The following ERI1 variants were observed in gnomAD, a reference collection of about 807,000 sequenced individuals.
ERI1 encodes the protein exoribonuclease 1.
A neutral mutation model predicts 39.7 loss-of-function variants in ERI1; 39 were observed. The ratio of observed to expected loss-of-function variants is 0.98; its 90% CI spans 0.76 to 1.28. ERI1 has a LOEUF of 1.28. Among genes scored for constraint, ERI1 ranks in the 50% most tolerant of loss-of-function variants. ERI1 has a pLI of 0.00. For missense variants in ERI1, 581 were observed against 416.9 expected (o/e 1.39, Z -3.43); for synonymous variants, 204 against 149.6 (o/e 1.36, Z -2.65).
intron 3 of ERI1, among the ~76,000 whole-genome samples, chr8:9,077,849 C>A (rs570779553): frequency 9.2e-5 from 14 of 152,300 alleles, no homozygotes; most frequent in Admixed American, 9.1e-4. Context: ...TCCAAAGCAG[C>A]ATATTTGGGG....
chr8:9,094,774 G>A (rs1248065931), intron 3 of ERI1, among the ~76,000 whole-genome samples: 5 of 152,156 alleles, frequency 3.3e-5, no homozygotes, highest in Non-Finnish European at 7.3e-5. Flanking sequence ...ATGGCAGCCT[G>A]TCTGAAGACA....
chr8:9,059,666 A>C (rs546625003), intron 3 of ERI1, among the ~76,000 whole-genome samples: 3 of 152,320 alleles, frequency 2.0e-5, no homozygotes, highest in Non-Finnish European at 4.4e-5. Context: ...CTACCTAGAG[A>C]GTGCCTAAGG....
At chr8:9,013,730 C>T (rs1816926573) in intron 3 of ERI1, among the ~76,000 whole-genome samples, 1 of 152,182 alleles carries the variant, frequency 6.6e-6, no homozygotes, top group Non-Finnish European at 1.5e-5. Context: ...CTTTAGCCTC[C>T]TGTAGCCTGG....
chr8:9,041,061 T>G (rs1460805239), intron 3 of ERI1, among the ~76,000 whole-genome samples: 1 of 152,158 alleles, frequency 6.6e-6, no homozygotes, highest in Non-Finnish European at 1.5e-5. Flanking sequence ...CTCCGCTGAG[T>G]GTTTCAGCGA....
chr8:9,091,401 A>C (rs1799699492), intron 3 of ERI1: 1 of 152,158 alleles, frequency 6.6e-6, no homozygotes, highest in Admixed American at 6.6e-5. Flanking sequence ...TGCACCTGTA[A>C]TCTCAGTTAC....
At chr8:9,041,613 A>C (rs571306782) in intron 3 of ERI1, among the ~76,000 whole-genome samples, 1 of 152,368 alleles carries the variant, frequency 6.6e-6, no homozygotes, top group East Asian at 1.9e-4. Flanking sequence ...ATTAAGAATG[A>C]GATTTAAAAC....
intron 3 of ERI1, 65 bp from the exon 4 acceptor site, chr8:9,016,257 G>C (rs1028601674): frequency 5.4e-6 from 5 of 928,488 alleles, no homozygotes; most frequent in Admixed American, 4.7e-5. Flanking sequence ...TGAATTCGTC[G>C]TGTATCATGT....
At chr8:9,026,418 A>G (rs1797163602) in intron 6 of ERI1, among the ~76,000 whole-genome samples, 2 of 151,658 alleles carry the variant, frequency 1.3e-5, no homozygotes, top group South Asian at 4.1e-4. Context: ...CCTGGCAATC[A>G]TCATTCTTCT....
chr8:9,060,341 AAG>A (rs1212685199), intron 3 of ERI1, among the ~76,000 whole-genome samples: 2 of 152,124 alleles, frequency 1.3e-5, no homozygotes, highest in African/African-American at 4.8e-5. Flanking sequence ...TACCCAGACT[AAG>A]AGATATTTTA....
intron 3 of ERI1, among the ~76,000 whole-genome samples, chr8:9,041,047 C>T (rs978772951): frequency 1.3e-5 from 2 of 152,204 alleles, no homozygotes; most frequent in African/African-American, 4.8e-5. Context: ...CCCCCAGGCA[C>T]TTGCTCCGCT....
At chr8:9,097,614 A>G (rs187984724) in intron 3 of ERI1, among the ~76,000 whole-genome samples, 32 of 150,762 alleles carry the variant, frequency 2.1e-4, no homozygotes, top group African/African-American at 7.6e-4. Flanking sequence ...AGTTGTAGTG[A>G]GCCAAGATTG....
In ERI1 at chr8:9,018,212, C is replaced by A. The variant is rs1459334182; in HGVS notation, c.583-85C>A. 4 of 664,766 alleles carry A rather than the reference C, an allele frequency of 6.0e-6. No individual in the cohort carries two copies. In the African/African-American group the frequency reaches 7.2e-5, roughly 12 times the overall value. The allele number at this position is 664,766 out of a possible 1,614,324, so 41.2% of individuals were successfully genotyped here. ...ATCAGCCTTTCTCATACTGTTTCTT[C>A]CCCTCCAACTTAGGTCTGGGTATTT... On this transcript the variant is annotated intron_variant, in intron 4 of 6. Transcript: ENST00000250263.
intron 3 of ERI1, among the ~76,000 whole-genome samples, chr8:9,046,086 A>G (rs2117359162): frequency 6.6e-6 from 1 of 152,336 alleles, no homozygotes; most frequent in Non-Finnish European, 1.5e-5. Flanking sequence ...TTAAATTAAG[A>G]AAACAAATTC....
chr8:9,040,209 A>G (rs1797971912), intron 3 of ERI1, among the ~76,000 whole-genome samples: 1 of 152,186 alleles, frequency 6.6e-6, no homozygotes, highest in Non-Finnish European at 1.5e-5. Flanking sequence ...TGGAGAGGGA[A>G]GTGGCCAATT....
intron 3 of ERI1, among the ~76,000 whole-genome samples, chr8:9,043,543 C>G (rs1188327299): frequency 1.3e-5 from 2 of 152,190 alleles, no homozygotes; most frequent in African/African-American, 2.4e-5. Context: ...CCATGATAGG[C>G]AGATGAGATG....
chr8:9,068,361 G>C (rs909411156), intron 3 of ERI1, among the ~76,000 whole-genome samples: 1 of 152,136 alleles, frequency 6.6e-6, no homozygotes, highest in African/African-American at 2.4e-5. Context: ...TTTGGAGACA[G>C]AGTCTCATTC....
At chr8:9,079,298 G>C (rs534108495) in intron 3 of ERI1, among the ~76,000 whole-genome samples, 2 of 152,204 alleles carry the variant, frequency 1.3e-5, no homozygotes. Flanking sequence ...CCTGATCTCC[G>C]GAGAAGAGCT....
intron 5 of ERI1, among the ~76,000 whole-genome samples, chr8:9,019,680 C>G (rs1817679257): frequency 6.6e-6 from 1 of 152,132 alleles, no homozygotes; most frequent in Non-Finnish European, 1.5e-5. Context: ...GGGACATACA[C>G]TTATTTTTAA....
chr8:9,042,222 C>G (rs997053461), intron 3 of ERI1, among the ~76,000 whole-genome samples: 1 of 152,110 alleles, frequency 6.6e-6, no homozygotes, highest in African/African-American at 2.4e-5. Flanking sequence ...GCCAGAATGC[C>G]TCACCCAGCG....
Sources: allele counts gnomAD v4.1 joint callset (sites outside exome capture counted in the v4.1 genomes callset), GRCh38; gene constraint gnomAD v4.1.1; transcripts MANE v1.5; gene names NCBI Gene and HGNC (gene_info 2026-07-23, HGNC 2026-07-21).